The following GMEB1 variants were observed in gnomAD, a reference collection of about 807,000 sequenced individuals.
The protein encoded by GMEB1 is glucocorticoid modulatory element binding protein 1.
Under a neutral mutation model 52.4 loss-of-function variants are expected in GMEB1, and 6 were observed. That is an observed-to-expected ratio of 0.11 (90% CI 0.06 to 0.23). The LOEUF (loss-of-function observed/expected upper bound fraction) is 0.23, where lower values mean the gene tolerates loss of function less well. GMEB1 is among the 10% of genes least tolerant of loss of function. The pLI, the probability that GMEB1 is intolerant of heterozygous loss-of-function variation, is 1.00. For synonymous variants in GMEB1, 255 were observed against 244.9 expected, an observed-to-expected ratio of 1.04 and a Z score of -0.38; for missense variants, 486 against 685.6, an observed-to-expected ratio of 0.71 and a Z score of 3.25.
intron 4 of GMEB1, 149 bp downstream of exon 4, chr1:28,691,858 T>A (rs1669981109): frequency 5.0e-6 from 1 of 199,880 alleles, no homozygotes. Flanking sequence ...ATTTTGTGGC[T>A]ATTGTCCTAA....
intron 2 of GMEB1, among the ~76,000 whole-genome samples, chr1:28,689,334 G>A (rs1669845802): frequency 6.6e-6 from 1 of 151,904 alleles, no homozygotes; most frequent in Non-Finnish European, 1.5e-5. Context: ...CCCATTTAAA[G>A]TTATGAAAGG....
chr1:28,679,419 C>G (rs1669297776), intron 1 of GMEB1, among the ~76,000 whole-genome samples: 1 of 152,166 alleles, frequency 6.6e-6, no homozygotes, highest in East Asian at 1.9e-4. Flanking sequence ...CTCAAGTGAT[C>G]CACCGGTCTT....
At chr1:28,696,286 C>T (rs1412442618) in intron 5 of GMEB1, among the ~76,000 whole-genome samples, 1 of 152,014 alleles carries the variant, frequency 6.6e-6, no homozygotes, top group African/African-American at 2.4e-5. Flanking sequence ...ACGCTGGTCT[C>T]AAACTCCTGA....
Position 28,714,884 on chromosome 1 carries a change from AAAC to A in GMEB1, c.*114_*116del. 1 of 784,546 alleles carries A rather than the reference AAAC, an allele frequency of 1.3e-6. No homozygotes were observed. Among genetic ancestry groups the A allele is most frequent in the South Asian group, 2.0e-5 (1 of 50,096 alleles). 48.6% of individuals were successfully genotyped at this position (784,546 alleles called of 1,614,324 possible). On this transcript the variant is annotated 3_prime_UTR_variant, in exon 10 of 10. Coordinates refer to ENST00000373816, the MANE Select transcript of GMEB1 (RefSeq NM_001319674.2). ...ATAGGACCCTTTTTTAAAAAAAAAA[AAAC>A]AAAATCTTATTGTTGTAACTGAAAA...
intron 1 of GMEB1, 68 bp downstream of exon 1, chr1:28,668,907 C>T (rs1258792297): frequency 6.9e-6 from 1 of 143,994 alleles, no homozygotes; most frequent in South Asian, 2.1e-4. Context: ...GGCGCGGGGG[C>T]CGCGCGGCGG....
intron 1 of GMEB1, among the ~76,000 whole-genome samples, chr1:28,669,662 A>G (rs1188040346): frequency 6.6e-6 from 1 of 152,076 alleles, no homozygotes; most frequent in East Asian, 1.9e-4. Context: ...ACGAAAGAGC[A>G]GCGTCCAAAC....
At chr1:28,690,226 T>G (rs10915185) in intron 3 of GMEB1, 40 bp downstream of exon 3, 1 of 816,956 alleles carries the variant, frequency 1.2e-6, no homozygotes, top group Non-Finnish European at 1.9e-6. Flanking sequence ...TTTTTTTTTG[T>G]CATTCTAATA....
intron 3 of GMEB1, among the ~76,000 whole-genome samples, chr1:28,690,650 T>TA (rs1348361178): frequency 6.6e-6 from 1 of 152,106 alleles, no homozygotes; most frequent in African/African-American, 2.4e-5. Flanking sequence ...CCCATATACT[T>TA]ACATTTAACA....
intron 6 of GMEB1, among the ~76,000 whole-genome samples, chr1:28,700,427 T>C (rs958396778): frequency 1.6e-4 from 24 of 147,670 alleles, no homozygotes; most frequent in African/African-American, 5.0e-4. Context: ...GGCAGGAGAA[T>C]GGCGTGAACT....
intron 1 of GMEB1, among the ~76,000 whole-genome samples, chr1:28,673,020 C>T (rs550212526): frequency 1.1e-4 from 16 of 151,890 alleles, no homozygotes; most frequent in South Asian, 6.2e-4. Context: ...CTCAGCTTCC[C>T]GAGTAGATAG....
At chr1:28,675,850 A>G (rs530926240) in intron 1 of GMEB1, among the ~76,000 whole-genome samples, 1 of 152,256 alleles carries the variant, frequency 6.6e-6, no homozygotes, top group African/African-American at 2.4e-5. Flanking sequence ...TTTTCCATTT[A>G]CACTCAGCTT....
intron 6 of GMEB1, among the ~76,000 whole-genome samples, chr1:28,699,926 T>C (rs1450758931): frequency 6.6e-6 from 1 of 150,946 alleles, no homozygotes; most frequent in Non-Finnish European, 1.5e-5. Flanking sequence ...AATAAAAAAA[T>C]TAGCTGAGCA....
intron 3 of GMEB1, among the ~76,000 whole-genome samples, chr1:28,690,611 C>G (rs2124510027): frequency 6.6e-6 from 1 of 152,188 alleles, no homozygotes; most frequent in South Asian, 2.1e-4. Flanking sequence ...TAAATGTGTC[C>G]TTGGGAAAGT....
chr1:28,710,483 G>A, intron 8 of GMEB1, 37 bp from the exon 9 acceptor site: 1 of 1,537,936 alleles, frequency 6.5e-7, no homozygotes, highest in Non-Finnish European at 8.8e-7. Flanking sequence ...GAACATATCT[G>A]TTTTAACTGG....
At chr1:28,675,690 AAAAAAG>A (rs1487341454) in intron 1 of GMEB1, among the ~76,000 whole-genome samples, 2 of 151,910 alleles carry the variant, frequency 1.3e-5, no homozygotes, top group Non-Finnish European at 1.5e-5. Context: ...AAAAAAAAAA[AAAAAAG>A]AAAAGAAAAG....
chr1:28,702,491 G>C lies in GMEB1; in HGVS notation c.652G>C (p.Glu218Gln), dbSNP rs989315303. 13 of 1,613,282 alleles carry C rather than the reference G, an allele frequency of 8.1e-6. No individual in the cohort carries two copies. The highest frequency in any genetic ancestry group is 1.1e-5 in the Non-Finnish European group (13 of 1,179,288). ...SEESMEEAGLEWNSALTAAVT... is the reference protein window; with the variant it reads ...SEESMEEAGLQWNSALTAAVT... ...AGAGAGCATGGAAGAGGCAGGGCTG[G>C]AATGGAACTCAGCTCTCACCGCTGC... is the stretch of plus-strand genomic sequence containing the variant. Residue 218 changes from glutamate to glutamine, a missense_variant, in exon 7 of 10, where the codon GAA becomes CAA. By Grantham distance (29) the Glu-to-Gln change is conservative. Transcript: ENST00000373816.
chr1:28,669,920 G>A (rs1482905943), intron 1 of GMEB1, among the ~76,000 whole-genome samples: 1 of 152,108 alleles, frequency 6.6e-6, no homozygotes, highest in East Asian at 1.9e-4. Context: ...AAGACAAGAG[G>A]GTGAAGTCTT....
intron 6 of GMEB1, among the ~76,000 whole-genome samples, chr1:28,701,392 C>T (rs1030388959): frequency 2.0e-5 from 3 of 151,460 alleles, no homozygotes; most frequent in African/African-American, 7.3e-5. Context: ...GCCTCAGCCT[C>T]CTGAGTAGCT....
Position 28,697,093 on chromosome 1 carries a change from T to C in GMEB1, c.598+9T>C, listed in dbSNP as rs1415160692. ...ACCCACTTCGGCTGATGGTAGGGGGTAGGAAACCACCTGAAAACCCATTGT... is the reference window on the plus strand; with the variant it reads ...ACCCACTTCGGCTGATGGTAGGGGGCAGGAAACCACCTGAAAACCCATTGT... On this transcript the variant is annotated intron_variant, in intron 6 of 9. Transcript: ENST00000373816. The C allele has an allele frequency of 1.8e-5, 28 of 1,573,602 alleles. No homozygotes were observed. Among genetic ancestry groups the C allele is most frequent in the Non-Finnish European group, 2.2e-5 (26 of 1,158,714 alleles).
Sources: gnomAD v4.1 joint callset for allele counts (sites outside exome capture counted in the v4.1 genomes callset) on GRCh38, gnomAD v4.1.1 for gene constraint, MANE v1.5 for transcripts, NCBI Gene and HGNC (gene_info 2026-07-23, HGNC 2026-07-21) for gene names.